SHLD1: variants seen among roughly 807,000 people sequenced by gnomAD.
The protein encoded by SHLD1 is shieldin complex subunit 1.
A neutral mutation model predicts 5.5 loss-of-function variants in SHLD1; 3 were observed. The ratio of observed to expected loss-of-function variants is 0.54; its 90% CI spans 0.25 to 1.40. SHLD1 has a LOEUF of 1.40. Among genes scored for constraint, SHLD1 ranks in the 40% most tolerant of loss-of-function variants. The probability of loss-of-function intolerance (pLI) is 0.15; values close to 1 mark genes in which losing one functional copy is unlikely to be tolerated. For synonymous variants in SHLD1, 92 were observed against 94.3 expected (o/e 0.98, Z 0.14); for missense variants, 210 against 244.4 (o/e 0.86, Z 0.94).
chr20:5,792,562 C>G (rs6085277), intron 2 of SHLD1, among the ~76,000 whole-genome samples: 93,631 of 151,574 alleles, frequency 0.62, 29,016 homozygotes, highest in East Asian at 0.78. Flanking sequence ...TGGGATTACA[C>G]GTGTGTGCCA....
At position 5,823,760 on chromosome 20, in the gene SHLD1, A is replaced by G. The variant is rs116250730; in HGVS notation, c.179-39264A>G. ...ACCGCGCCCAGCCAAAAATCTCATA[A>G]TGTTCTAAGAAAGTTTACACAGTTG... On this transcript the variant is annotated intron_variant, in intron 2 of 2. Transcript: ENST00000303142. 7.5e-3 allele frequency among the ~76,000 whole-genome samples: 1,137 copies of G among 152,178 alleles called. 16 individuals carry two copies. Among genetic ancestry groups the G allele is most frequent in the African/African-American group, 0.026 (1,066 of 41,540 alleles).
In SHLD1 at chr20:5,771,019, C is replaced by A. The variant is rs564345161; in HGVS notation, c.-4-1843C>A. Among the ~76,000 whole-genome samples, 6 of 152,274 alleles carry A rather than the reference C, an allele frequency of 3.9e-5. No homozygotes were observed. The South Asian group carries it at 1.2e-3, about 32-fold the overall frequency. ...ACTCTATAAACAAGACAGCTGTCAC[C>A]CATACTTTCTGATTATATGGCTAGA... is the stretch of plus-strand genomic sequence containing the variant. On this transcript the variant is annotated intron_variant, in intron 1 of 2. Transcript: ENST00000303142.
At chr20:5,822,564 G>A (rs773636373) in intron 2 of SHLD1, among the ~76,000 whole-genome samples, 1 of 152,066 alleles carries the variant, frequency 6.6e-6, no homozygotes, top group African/African-American at 2.4e-5. Context: ...GTGTCCCTAA[G>A]TCCCAGCAGT....
chr20:5,844,862 T>C lies in SHLD1; in HGVS notation c.179-18162T>C, dbSNP rs2087913920. Among the ~76,000 whole-genome samples the C allele has an allele frequency of 2.0e-5, 3 of 148,704 alleles. No homozygotes were observed. The Admixed American group carries it at 2.0e-4, about 10-fold the overall frequency. ...TAGGCTGGAGTGTAGTAGTGCGATC[T>C]CGGTTCACTGCAACCTCCGCCTCCT... On this transcript the variant is annotated intron_variant, in intron 2 of 2. Transcript: ENST00000303142.
intron 2 of SHLD1, among the ~76,000 whole-genome samples, chr20:5,845,408 A>T (rs1038391387): frequency 6.6e-6 from 1 of 152,216 alleles, no homozygotes; most frequent in South Asian, 2.1e-4. Flanking sequence ...ACTTGCTAGG[A>T]CTCAAACTCA....
At chr20:5,824,890 A>G (rs1484181524) in intron 2 of SHLD1, among the ~76,000 whole-genome samples, 1 of 152,056 alleles carries the variant, frequency 6.6e-6, no homozygotes, top group Non-Finnish European at 1.5e-5. Context: ...ACGTACTTTG[A>G]CTGCTACGGT....
At chr20:5,858,937 C>T (rs572127086) in intron 2 of SHLD1, among the ~76,000 whole-genome samples, 14 of 152,302 alleles carry the variant, frequency 9.2e-5, no homozygotes, top group African/African-American at 3.1e-4. Flanking sequence ...AAGCCCTGCC[C>T]TCCTCCTTTT....
At chr20:5,808,393 T>G (rs530599091) in intron 2 of SHLD1, among the ~76,000 whole-genome samples, 36 of 152,314 alleles carry the variant, frequency 2.4e-4, no homozygotes, top group African/African-American at 8.2e-4. Flanking sequence ...TAGATAGACA[T>G]ACATACATAT....
chr20:5,785,714 T>G (rs2087050088), intron 2 of SHLD1, among the ~76,000 whole-genome samples: 2 of 149,212 alleles, frequency 1.3e-5, no homozygotes, highest in African/African-American at 5.0e-5. Context: ...GAGAATTGCT[T>G]GAACCCGGGA....
At chr20:5,757,913 A>C (rs1984212419) in intron 1 of SHLD1, among the ~76,000 whole-genome samples, 1 of 152,244 alleles carries the variant, frequency 6.6e-6, no homozygotes, top group African/African-American at 2.4e-5. Flanking sequence ...CACATCAATT[A>C]TTTTCAAATG....
intron 2 of SHLD1, among the ~76,000 whole-genome samples, chr20:5,837,851 C>A (rs964584696): frequency 6.6e-5 from 10 of 152,024 alleles, no homozygotes; most frequent in African/African-American, 2.4e-4. Context: ...CAAGTTTTTT[C>A]AAATTGTTGC....
At chr20:5,858,898 T>C (rs988161465) in intron 2 of SHLD1, among the ~76,000 whole-genome samples, 2 of 152,184 alleles carry the variant, frequency 1.3e-5, no homozygotes, top group South Asian at 4.1e-4. Flanking sequence ...AATTTAACAA[T>C]TGGATGCATG....
intron 2 of SHLD1, among the ~76,000 whole-genome samples, chr20:5,861,167 A>G (rs138197612): frequency 2.9e-3 from 435 of 152,238 alleles, no homozygotes; most frequent in African/African-American, 9.9e-3. Context: ...TTGTTCATCA[A>G]CTCTGCTTCT....
intron 2 of SHLD1, among the ~76,000 whole-genome samples, chr20:5,817,432 C>CTCTCTCTGTGTG (rs1473391202): frequency 2.5e-4 from 21 of 85,662 alleles, no homozygotes; most frequent in African/African-American, 7.2e-4. Context: ...CTCTCTCTCT[C>CTCTCTCTGTGTG]TGTGTGTGTG....
intron 2 of SHLD1, among the ~76,000 whole-genome samples, chr20:5,807,089 G>A (rs1044073209): frequency 1.3e-5 from 2 of 152,194 alleles, no homozygotes; most frequent in African/African-American, 4.8e-5. Flanking sequence ...GGTGGCCTTT[G>A]CCTGGTACGC....
At chr20:5,780,288 A>G (rs1181535705) in intron 2 of SHLD1, among the ~76,000 whole-genome samples, 1 of 152,016 alleles carries the variant, frequency 6.6e-6, no homozygotes, top group Non-Finnish European at 1.5e-5. Context: ...TGACTGTAAG[A>G]GTTCAGTCAT....
chr20:5,764,139 A>AAAAATATATATATATAT (rs1555768309), intron 1 of SHLD1, among the ~76,000 whole-genome samples: 2 of 95,728 alleles, frequency 2.1e-5, no homozygotes, highest in African/African-American at 4.8e-5. Context: ...AAAAAAAAAA[A>AAAAATATATATATATAT]ATATATATAT....
chr20:5,763,439 T>C (rs1226109523), intron 1 of SHLD1, among the ~76,000 whole-genome samples: 1 of 152,196 alleles, frequency 6.6e-6, no homozygotes, highest in African/African-American at 2.4e-5. Flanking sequence ...GTCTTTCCTT[T>C]TGTTCCTAAG....
chr20:5,767,221 A>G (rs960156062), intron 1 of SHLD1, among the ~76,000 whole-genome samples: 4 of 152,042 alleles, frequency 2.6e-5, no homozygotes, highest in African/African-American at 9.7e-5. Context: ...TGTATCCCCA[A>G]CTGCCTGGCT....
Sources: gnomAD v4.1 joint callset for allele counts (sites outside exome capture counted in the v4.1 genomes callset) on GRCh38, gnomAD v4.1.1 for gene constraint, MANE v1.5 for transcripts, NCBI Gene and HGNC (gene_info 2026-07-23, HGNC 2026-07-21) for gene names.